TMPRSS15: variants seen among roughly 807,000 people sequenced by gnomAD.
TMPRSS15 encodes the protein enteropeptidase.
In TMPRSS15, 128 loss-of-function variants were observed where a neutral mutation model predicts 125.3. The ratio of observed to expected loss-of-function variants is 1.02; its 90% CI spans 0.89 to 1.18. The LOEUF is 1.18. TMPRSS15 is among the 50% of genes most tolerant of loss of function. The pLI is 0.00. For missense variants in TMPRSS15, 1,283 were observed against 1,212.7 expected (o/e 1.06, Z -0.86); for synonymous variants, 446 against 423.2 (o/e 1.05, Z -0.66).
chr21:18,349,266 G>C (rs193150852), intron 10 of TMPRSS15, among the ~76,000 whole-genome samples: 2 of 152,268 alleles, frequency 1.3e-5, no homozygotes, highest in Admixed American at 1.3e-4. Flanking sequence ...AGCACCTCAA[G>C]ATGCTGTCCT....
chr21:18,353,013 C>G lies in TMPRSS15; in HGVS notation c.1061G>C (p.Cys354Ser), dbSNP rs1211246383. 3 of 1,611,158 alleles carry G rather than the reference C, an allele frequency of 1.9e-6. No individual in the cohort carries two copies. Among genetic ancestry groups the G allele is most frequent in the Non-Finnish European group, 1.7e-6 (2 of 1,178,720 alleles). Residue 354 changes from cysteine (C) to serine (S), a missense_variant, in exon 10 of 25, where the codon TGT becomes TCT. Cys to Ser is a moderately radical substitution (Grantham distance 112, BLOSUM62 -1). Transcript: ENST00000284885. ...KINCNFEDGFCFWVQDLNDDN... is the reference protein window; with the variant it reads ...KINCNFEDGFSFWVQDLNDDN... ...ATCATTTAGATCCTGGACCCAGAAA[C>G]AAAAGCCATCCTCAAAGTTACAATT...
rs75033812 is a variant in TMPRSS15, at chr21:18,293,508, G to C, written c.2486+762C>G. Among the ~76,000 whole-genome samples, 8 of 152,154 alleles carry C rather than the reference G, an allele frequency of 5.3e-5. No individual in the cohort carries two copies. The East Asian group carries it at 1.4e-3, about 26-fold the overall frequency. On this transcript the variant is annotated intron_variant, in intron 21 of 24. Transcript: ENST00000284885. ...ATATGAGGAAGCTCCCTTTTCTCCT[G>C]ACTGAATTCAGAACCATGTGACTAT...
At chr21:18,365,606 C>T (rs2075722244) in intron 6 of TMPRSS15, among the ~76,000 whole-genome samples, 1 of 71,364 alleles carries the variant, frequency 1.4e-5, no homozygotes, top group South Asian at 8.2e-4. Context: ...TTCCTTCTTT[C>T]CTTCCTTTTC....
chr21:18,345,754 A>AAAAAAAAAAAAAAAAAAAAAAC (rs2075501542), intron 10 of TMPRSS15, among the ~76,000 whole-genome samples: 2 of 143,466 alleles, frequency 1.4e-5, no homozygotes, highest in Non-Finnish European at 1.5e-5. Context: ...AAAAAAAAAA[A>AAAAAAAAAAAAAAAAAAAAAAC]AAAAAAAATC....
chr21:18,428,258 G>C (rs1302930199), intron 1 of TMPRSS15, among the ~76,000 whole-genome samples: 1 of 152,160 alleles, frequency 6.6e-6, no homozygotes, highest in Admixed American at 6.5e-5. Flanking sequence ...TGACTTGGGT[G>C]CGTTAAAGGT....
intron 22 of TMPRSS15, among the ~76,000 whole-genome samples, chr21:18,280,124 C>T (rs73320133): frequency 0.07 from 10,704 of 152,124 alleles, 1,094 homozygotes; most frequent in African/African-American, 0.23. Context: ...TTCTCCTAAC[C>T]GGGCACTGAA....
chr21:18,414,558 T>C (rs2076175589), intron 1 of TMPRSS15, among the ~76,000 whole-genome samples: 1 of 152,240 alleles, frequency 6.6e-6, no homozygotes. Flanking sequence ...TGTCTGCTTC[T>C]ATGAGTTTGA....
intron 16 of TMPRSS15, among the ~76,000 whole-genome samples, chr21:18,315,856 T>C (rs3859709): frequency 3.5e-4 from 51 of 147,728 alleles, no homozygotes; most frequent in Non-Finnish European, 6.1e-4. Context: ...AATATATATA[T>C]ATATAAAATA....
intron 16 of TMPRSS15, among the ~76,000 whole-genome samples, chr21:18,321,969 AG>A (rs1491390660): frequency 6.6e-6 from 1 of 152,226 alleles, no homozygotes. Flanking sequence ...AGCTTCAATC[AG>A]GGGGATTTTC....
At chr21:18,303,741 G>A (rs545404505) in intron 18 of TMPRSS15, among the ~76,000 whole-genome samples, 1 of 152,078 alleles carries the variant, frequency 6.6e-6, no homozygotes, top group African/African-American at 2.4e-5. Flanking sequence ...CAGATGATTT[G>A]TAATTGTGCC....
chr21:18,423,204 T>G (rs1163661942), intron 1 of TMPRSS15, among the ~76,000 whole-genome samples: 1 of 152,108 alleles, frequency 6.6e-6, no homozygotes, highest in Non-Finnish European at 1.5e-5. Context: ...TTTCTTTAGG[T>G]CCAGATTTTA....
intron 1 of TMPRSS15, among the ~76,000 whole-genome samples, chr21:18,432,051 C>T (rs2824827): frequency 0.62 from 94,016 of 152,040 alleles, 34,269 homozygotes; most frequent in Non-Finnish European, 0.8. Flanking sequence ...GATCCTTGCA[C>T]TGAACTGAAA....
At chr21:18,402,033 T>C (rs1050816167) in intron 1 of TMPRSS15, among the ~76,000 whole-genome samples, 1 of 152,186 alleles carries the variant, frequency 6.6e-6, no homozygotes, top group East Asian at 1.9e-4. Context: ...TTTAGTACTT[T>C]GTATAATTTT....
At chr21:18,380,673 G>A (rs1004120632) in intron 4 of TMPRSS15, 2 of 436,808 alleles carry the variant, frequency 4.6e-6, no homozygotes, top group Non-Finnish European at 9.7e-6. Flanking sequence ...TTCATTCAAA[G>A]GGCATCTGAT....
intron 17 of TMPRSS15, 97 bp from the exon 18 acceptor site, chr21:18,313,174 G>T: frequency 1.2e-6 from 1 of 812,918 alleles, no homozygotes; most frequent in Non-Finnish European, 2.1e-6. Flanking sequence ...CATTTAGACA[G>T]GAGGAATAAG....
At chr21:18,442,304 G>GA (rs973327331) in intron 1 of TMPRSS15, among the ~76,000 whole-genome samples, 27 of 152,064 alleles carry the variant, frequency 1.8e-4, no homozygotes, top group African/African-American at 6.0e-4. Flanking sequence ...TTTTGGCATG[G>GA]ATGGGCTTGA....
intron 5 of TMPRSS15, among the ~76,000 whole-genome samples, chr21:18,374,690 C>T (rs2824782): frequency 0.14 from 21,610 of 151,874 alleles, 1,776 homozygotes; most frequent in Non-Finnish European, 0.2. Context: ...TGCAATATGA[C>T]CAGTCCATGT....
intron 18 of TMPRSS15, among the ~76,000 whole-genome samples, chr21:18,302,992 T>C (rs2074989773): frequency 6.6e-6 from 1 of 152,234 alleles, no homozygotes; most frequent in South Asian, 2.1e-4. Context: ...CAGTGCATTA[T>C]CACTTTCTAA....
upstream of TMPRSS15, among the ~76,000 whole-genome samples, chr21:18,407,191 A>G (rs896951310): frequency 1.3e-5 from 2 of 152,184 alleles, no homozygotes; most frequent in Non-Finnish European, 2.9e-5. Flanking sequence ...GAAATAGAAC[A>G]ACAAGGTGTA....
Sources: gnomAD v4.1 joint callset for allele counts (sites outside exome capture counted in the v4.1 genomes callset) on GRCh38, gnomAD v4.1.1 for gene constraint, MANE v1.5 for transcripts, NCBI Gene and HGNC (gene_info 2026-07-23, HGNC 2026-07-21) for gene names.